INTS14: variants seen among roughly 807,000 people sequenced by gnomAD.
The protein encoded by INTS14 is UPF0464 protein C15orf44.
INTS14 carries 27 observed loss-of-function variants against 56.9 expected under a neutral mutation model. The ratio of observed to expected loss-of-function variants is 0.47; its 90% CI spans 0.35 to 0.65. The LOEUF (loss-of-function observed/expected upper bound fraction) is 0.65. INTS14 is among the 30% of genes least tolerant of loss of function. INTS14 has a pLI of 0.00. For missense variants in INTS14, 517 were observed against 632.2 expected (o/e 0.82, Z 1.95); for synonymous variants, 207 against 236.2 (o/e 0.88, Z 1.13).
intron 9 of INTS14, among the ~76,000 whole-genome samples, chr15:65,587,379 G>A (rs1238615814): frequency 2.6e-5 from 4 of 151,696 alleles, no homozygotes; most frequent in African/African-American, 7.3e-5. Context: ...GAAAATACCT[G>A]AAGAATGTAT....
chr15:65,589,702 T>C (rs2072955454), intron 9 of INTS14, among the ~76,000 whole-genome samples: 1 of 152,186 alleles, frequency 6.6e-6, no homozygotes, highest in Admixed American at 6.5e-5. Context: ...GAGCTCATTT[T>C]TTTTCAGCTT....
intron 3 of INTS14, among the ~76,000 whole-genome samples, chr15:65,602,568 A>G (rs2073477802): frequency 6.6e-6 from 1 of 152,144 alleles, no homozygotes; most frequent in Admixed American, 6.5e-5. Context: ...TACAGGCGTG[A>G]GCCGTCGCGC....
intron 9 of INTS14, among the ~76,000 whole-genome samples, chr15:65,590,397 T>A (rs761523380): frequency 2.6e-5 from 4 of 152,212 alleles, no homozygotes; most frequent in Non-Finnish European, 4.4e-5. Flanking sequence ...TTTCCCAGTA[T>A]CTGCAAGATA....
intron 3 of INTS14, among the ~76,000 whole-genome samples, chr15:65,600,151 G>GAA (rs1054266917): frequency 6.7e-6 from 1 of 149,004 alleles, no homozygotes; most frequent in Non-Finnish European, 1.5e-5. Flanking sequence ...AAAAAACTTA[G>GAA]AAAAAAAAAA....
intron 10 of INTS14, among the ~76,000 whole-genome samples, chr15:65,582,368 A>C (rs553791811): frequency 6.6e-6 from 1 of 152,324 alleles, no homozygotes; most frequent in South Asian, 2.1e-4. Flanking sequence ...ATCCACAAGC[A>C]AAAGAATAAA....
intron 11 of INTS14, 145 bp downstream of exon 11, chr15:65,581,809 G>T: frequency 1.3e-6 from 1 of 773,804 alleles, no homozygotes; most frequent in Non-Finnish European, 2.1e-6. Flanking sequence ...GGAAGGAACA[G>T]ACCTATCACT....
Position 65,591,580 on chromosome 15 carries a change from A to G in INTS14, c.1120+18T>C. On this transcript the variant is annotated intron_variant, in intron 9 of 11. Coordinates refer to ENST00000313182, the MANE Select transcript of INTS14 (RefSeq NM_001394796.1). Reference sequence around the variant, plus strand: ...TGAAAACAAAGTCAGGATAAGTAAAATCTGATCTGGATTATACCTGAAATA... The same window carrying G: ...TGAAAACAAAGTCAGGATAAGTAAAGTCTGATCTGGATTATACCTGAAATA... The G allele has an allele frequency of 6.2e-7, 1 of 1,610,146 alleles. No homozygotes were observed. The highest frequency in any genetic ancestry group is 8.5e-7 in the Non-Finnish European group (1 of 1,178,618).
Position 65,601,543 on chromosome 15 carries a change from A to G in INTS14, c.331-1614T>C, listed in dbSNP as rs894874764. Among the ~76,000 whole-genome samples the G allele has an allele frequency of 2.6e-5, 4 of 152,152 alleles. No homozygotes were observed. In the East Asian group the frequency reaches 5.8e-4, roughly 22 times the overall value. ...TTTTTAGTAGAGACGGGGTTTCACC[A>G]TATTGGCCAGGATGGTCTCGAACTC... On this transcript the variant is annotated intron_variant, in intron 3 of 11. Transcript: ENST00000313182.
intron 10 of INTS14, among the ~76,000 whole-genome samples, chr15:65,583,744 T>TAA (rs560267609): frequency 2.0e-5 from 3 of 151,878 alleles, no homozygotes; most frequent in African/African-American, 7.3e-5. Flanking sequence ...CAAAAAAAAT[T>TAA]AAAAAAAATA....
chr15:65,584,984 G>T, intron 9 of INTS14, 96 bp from the exon 10 acceptor site: 1 of 1,003,508 alleles, frequency 1.0e-6, no homozygotes. Flanking sequence ...CTCAATCTTT[G>T]ATATCCTATC....
rs775102992 is a variant in INTS14 at position 65,598,913 on chromosome 15, A to G, written c.564T>C (p.Ile188=). 1.2e-5 allele frequency: 20 copies of G among 1,614,030 alleles called. No individual in the cohort carries two copies. The highest frequency in any genetic ancestry group is 1.7e-5 in the Non-Finnish European group (20 of 1,179,944). Residue 188 remains isoleucine, a synonymous_variant, in exon 5 of 12, where the codon ATT becomes ATC. Transcript: ENST00000313182. The part of the protein sequence containing the change: ...LNNGEGQIFT[I]DGPLCLKNVQ... ...CATTCTTCAAGCACAGGGGGCCATCAATAGTAAAAATCTGCCCTTCACCAT... is the reference window on the plus strand; with the variant it reads ...CATTCTTCAAGCACAGGGGGCCATCGATAGTAAAAATCTGCCCTTCACCAT...
intron 2 of INTS14, among the ~76,000 whole-genome samples, chr15:65,606,639 T>A (rs1361402215): frequency 6.6e-6 from 1 of 152,170 alleles, no homozygotes; most frequent in Admixed American, 6.5e-5. Context: ...GATTTAGAGA[T>A]GTTGTCAGAA....
intron 1 of INTS14, among the ~76,000 whole-genome samples, chr15:65,607,694 G>A (rs938093306): frequency 5.3e-5 from 8 of 151,964 alleles, no homozygotes; most frequent in African/African-American, 1.9e-4. Flanking sequence ...AAAAAGCCCT[G>A]CTAAATTCAG....
intron 2 of INTS14, among the ~76,000 whole-genome samples, 172 bp downstream of exon 2, chr15:65,606,987 C>G (rs2073677523): frequency 6.6e-6 from 1 of 152,170 alleles, no homozygotes; most frequent in Non-Finnish European, 1.5e-5. Context: ...ACCGAAGAAA[C>G]AGTAGGCATA....
At chr15:65,609,826 C>A (rs1354965258) in intron 1 of INTS14, among the ~76,000 whole-genome samples, 1 of 152,000 alleles carries the variant, frequency 6.6e-6, no homozygotes, top group Non-Finnish European at 1.5e-5. Flanking sequence ...AGACTTAGAT[C>A]AAATACAAAA....
At chr15:65,611,015 G>A in intron 1 of INTS14, 83 bp downstream of exon 1, 3 of 1,525,760 alleles carry the variant, frequency 2.0e-6, no homozygotes, top group Non-Finnish European at 2.6e-6. Context: ...CTGGCCCTGG[G>A]TTGTTCTTCA....
chr15:65,583,328 T>C (rs2141249690), intron 10 of INTS14, among the ~76,000 whole-genome samples: 1 of 152,282 alleles, frequency 6.6e-6, no homozygotes, highest in East Asian at 1.9e-4. Context: ...CATATACATA[T>C]AGACATATGG....
Position 65,579,370 on chromosome 15 carries a change from T to C in INTS14, c.*38A>G, listed in dbSNP as rs781037827. The C allele has an allele frequency of 1.2e-5, 19 of 1,594,976 alleles. No individual in the cohort carries two copies. In the Admixed American group the frequency reaches 3.1e-4, roughly 26 times the overall value. On this transcript the variant is annotated 3_prime_UTR_variant, in exon 12 of 12. Coordinates refer to ENST00000313182, the MANE Select transcript of INTS14 (RefSeq NM_001394796.1). ...AGGTTTTTACCTAAAGCATTTTCAG[T>C]TGAAATGAAAAAAGAAGGAAAGCTC... is the stretch of plus-strand genomic sequence containing the variant.
At chr15:65,608,987 T>C (rs2141338019) in intron 1 of INTS14, among the ~76,000 whole-genome samples, 1 of 152,282 alleles carries the variant, frequency 6.6e-6, no homozygotes, top group South Asian at 2.1e-4. Context: ...AAGCACCGCC[T>C]CCCGGGTTCA....
Sources: gnomAD v4.1 joint callset for allele counts (sites outside exome capture counted in the v4.1 genomes callset) on GRCh38, gnomAD v4.1.1 for gene constraint, MANE v1.5 for transcripts, NCBI Gene and HGNC (gene_info 2026-07-23, HGNC 2026-07-21) for gene names.